The following ATG4D variants were observed in gnomAD, a reference collection of about 807,000 sequenced individuals.
ATG4D encodes the protein cysteine protease ATG4D.
Under a neutral mutation model 55.2 loss-of-function variants are expected in ATG4D, and 51 were observed. That is an observed-to-expected ratio of 0.92 (90% confidence interval 0.74 to 1.17). The LOEUF (loss-of-function observed/expected upper bound fraction) is 1.17, where lower values mean the gene tolerates loss of function less well. Ranked by LOEUF, ATG4D falls within the 50% of genes most tolerant of loss-of-function variation. ATG4D has a pLI of 0.00. For synonymous variants in ATG4D, 268 were observed against 266.2 expected (o/e 1.01, Z -0.07); for missense variants, 635 against 649.6 (o/e 0.98, Z 0.25).
At chr19:10,552,562 CCT>C (rs1455779439) in intron 9 of ATG4D, among the ~76,000 whole-genome samples, 1 of 152,204 alleles carries the variant, frequency 6.6e-6, no homozygotes, top group Non-Finnish European at 1.5e-5. Context: ...GGGAACCCTC[CCT>C]GTCTCTTGGC....
At chr19:10,548,350 A>T (rs1022777985) in intron 5 of ATG4D, among the ~76,000 whole-genome samples, 1 of 151,816 alleles carries the variant, frequency 6.6e-6, no homozygotes, top group African/African-American at 2.4e-5. Flanking sequence ...TAAATTTTTT[A>T]TGCAAAATTG....
Position 10,545,149 on chromosome 19 carries a change from G to A in ATG4D, c.493+19G>A. 2 of 1,604,832 alleles carry A rather than the reference G, an allele frequency of 1.2e-6. No homozygotes were observed. Among genetic ancestry groups the A allele is most frequent in the Non-Finnish European group, 1.7e-6 (2 of 1,179,642 alleles). ...CCCAGAGGTGAGCCATAGGGGGGAA[G>A]GGGTGCACTAGGAGTACAGGGTCAA... On this transcript the variant is annotated intron_variant, in intron 3 of 9. Transcript: ENST00000309469.
chr19:10,548,881 C>T, intron 5 of ATG4D, 23 bp from the exon 6 acceptor site: 1 of 1,608,912 alleles, frequency 6.2e-7, no homozygotes, highest in Non-Finnish European at 8.5e-7. Context: ...AGAAGGTGAC[C>T]TGCTGCTGTC....
rs893753846 is a variant in ATG4D, at chr19:10,545,431, T to G, written c.493+301T>G. The stretch of plus-strand genomic sequence containing the variant: ...TACTAAAAATACAAAAATTAGCCGG[T>G]TGTGGTGGCACACGCCTGTAATCCC... On this transcript the variant is annotated intron_variant, in intron 3 of 9. Coordinates refer to ENST00000309469, the MANE Select transcript of ATG4D (RefSeq NM_032885.6). 7.1e-5 allele frequency among the ~76,000 whole-genome samples: 10 copies of G among 141,600 alleles called. No homozygotes were observed. The South Asian group carries it at 1.6e-3, about 23-fold the overall frequency. The allele number at this position is 141,600 out of a possible 152,430, so 92.9% of individuals were successfully genotyped here. A position where few individuals can be genotyped will look rare whatever the true frequency, so the allele number is the denominator to read the frequency against.
rs765178370 is a variant in ATG4D at position 10,551,930 on chromosome 19, A to C, written c.1000A>C (p.Met334Leu). The change falls in exon 7 of 10, where the codon ATG becomes CTG. Residue 334 changes from methionine (M) to leucine (L), a missense_variant. Physicochemically the swap from Met to Leu is conservative, Grantham distance 15. Transcript: ENST00000309469. ...GCGTTGCGAGCTGTGCCTGGGCATC[A>C]TGGGTGGGAAACCGCGACACTCACT... ...LLRCELCLGI[M>L]GGKPRHSLYF... The C allele has an allele frequency of 1.1e-5, 18 of 1,613,892 alleles. No homozygotes were observed. Among genetic ancestry groups the C allele is most frequent in the Non-Finnish European group, 1.5e-5 (18 of 1,179,992 alleles).
chr19:10,544,925 C>T (rs1915983958), intron 2 of ATG4D, 32 bp from the exon 3 acceptor site: 25 of 1,583,114 alleles, frequency 1.6e-5, no homozygotes, highest in Non-Finnish European at 2.0e-5. Flanking sequence ...CCGGAGTGTC[C>T]CTGGTGGCAG....
chr19:10,544,790 G>T lies in ATG4D; in HGVS notation c.243G>T (p.Val81=). 6.2e-7 allele frequency: 1 copy of T among 1,614,062 alleles called. No individual in the cohort carries two copies. The highest frequency in any genetic ancestry group is 8.5e-7 in the Non-Finnish European group (1 of 1,180,002). Residue 81 remains valine, a synonymous_variant, in exon 2 of 10, where the codon GTG becomes GTT. Transcript: ENST00000309469. ...GCCCCTACGTCTCCCCAGGTTGGGT[G>T]GTTAAAAGCCGGACCAGCTTTAGCA... ...TAWNNVKYGW[V]VKSRTSFSKI... is the part of the protein sequence containing the mutation.
At chr19:10,552,544 C>T (rs561152861) in intron 9 of ATG4D, among the ~76,000 whole-genome samples, 11 of 152,186 alleles carry the variant, frequency 7.2e-5, no homozygotes, top group Non-Finnish European at 1.3e-4. Context: ...TCCAGGGGCT[C>T]AAGTGGTGGG....
In ATG4D at chr19:10,546,827, C is replaced by T. The variant is rs1322625868; in HGVS notation, c.494-12C>T. 6.4e-7 allele frequency: 1 copy of T among 1,561,054 alleles called. No individual in the cohort carries two copies. The highest frequency in any genetic ancestry group is 8.7e-7 in the Non-Finnish European group (1 of 1,150,462). ...CACTAGCACTGTTTGACTATGTGCT[C>T]CATTCCACCAGACTGGACATGGGCC... On this transcript the variant is annotated splice_polypyrimidine_tract_variant and intron_variant, in intron 3 of 9. Coordinates refer to ENST00000309469, the MANE Select transcript of ATG4D (RefSeq NM_032885.6).
chr19:10,549,245 T>C (rs948798472), intron 6 of ATG4D, among the ~76,000 whole-genome samples: 13 of 151,986 alleles, frequency 8.6e-5, no homozygotes, highest in Admixed American at 3.9e-4. Flanking sequence ...TGCCTCAGCC[T>C]CCCAAGTAGT....
chr19:10,547,204 C>T lies in ATG4D; in HGVS notation c.786C>T (p.Ser262=), dbSNP rs1916063851. ...VAHILRKAVE[S]CSDVTRLVVY... ...CTGCCCCCAGGAAAGCCGTGGAGAG[C>T]TGCTCCGACGTCACCCGCCTGGTGG... Residue 262 remains serine (S), a synonymous_variant, in exon 5 of 10, where the codon AGC becomes AGT. Coordinates refer to ENST00000309469, the MANE Select transcript of ATG4D (RefSeq NM_032885.6). 1 of 1,613,924 alleles carries T rather than the reference C, an allele frequency of 6.2e-7. No homozygotes were observed.
rs1448563696 is a variant in ATG4D at position 10,544,073 on chromosome 19, C to T, written c.-18C>T. On this transcript the variant is annotated 5_prime_UTR_variant, in exon 1 of 10. Coordinates refer to ENST00000309469, the MANE Select transcript of ATG4D (RefSeq NM_032885.6). ...CAGCCCCCCACCTGGGCCCTCGGTC[C>T]GCCCTCCCGGCGCGTCCATGAACTC... 3 of 1,233,640 alleles carry T rather than the reference C, an allele frequency of 2.4e-6. No individual in the cohort carries two copies. The highest frequency in any genetic ancestry group is 4.3e-5 in the Admixed American group (1 of 23,466). 76.4% of individuals were successfully genotyped at this position (1,233,640 alleles called of 1,614,324 possible). A position where few individuals can be genotyped will look rare whatever the true frequency, so the allele number is the denominator to read the frequency against.
chr19:10,547,290 C>G, intron 5 of ATG4D, 37 bp downstream of exon 5: 3 of 1,602,994 alleles, frequency 1.9e-6, no homozygotes, highest in Non-Finnish European at 2.6e-6. Context: ...GGGGCCCCAC[C>G]CTGAGCCAGA....
In ATG4D at chr19:10,544,214, T is replaced by C; in HGVS notation, c.124T>C (p.Ser42Pro). The change falls in exon 1 of 10, where the codon TCC becomes CCC. Residue 42 changes from serine to proline, a missense_variant. Transcript: ENST00000309469. ...CCCAGACCCCAACGGCCTGGGGCCT[T>C]CCGGAGCCAGCGGCCCCGCTCTTGG... Reference protein sequence around the residue: ...RGPDPNGLGPSGASGPALGSP... With the variant: ...RGPDPNGLGPPGASGPALGSP... 1 of 1,253,510 alleles carries C rather than the reference T, an allele frequency of 8.0e-7. No homozygotes were observed. The highest frequency in any genetic ancestry group is 1.0e-6 in the Non-Finnish European group (1 of 991,090). The allele number at this position is 1,253,510 out of a possible 1,614,324, so 77.6% of individuals were successfully genotyped here. A position where few individuals can be genotyped will look rare whatever the true frequency, so the allele number is the denominator to read the frequency against.
chr19:10,547,450 G>A (rs1916074704), intron 5 of ATG4D, among the ~76,000 whole-genome samples, 197 bp downstream of exon 5: 1 of 151,914 alleles, frequency 6.6e-6, no homozygotes, highest in Admixed American at 6.6e-5. Flanking sequence ...AACTTCAGGG[G>A]CTTCTCCTTG....
chr19:10,551,684 T>G, intron 6 of ATG4D, among the ~76,000 whole-genome samples: 1 of 125,490 alleles, frequency 8.0e-6, no homozygotes. Flanking sequence ...GGTGACAGAG[T>G]GAGACTCCGT....
chr19:10,544,672 C>T (rs768663903), intron 1 of ATG4D, 111 bp from the exon 2 acceptor site: 4 of 1,532,878 alleles, frequency 2.6e-6, no homozygotes, highest in Admixed American at 4.2e-5. Context: ...CCGGAGCCAC[C>T]CCGGAGATAG....
intron 3 of ATG4D, 54 bp downstream of exon 3, chr19:10,545,184 C>G (rs1266015386): frequency 1.3e-5 from 20 of 1,575,328 alleles, no homozygotes; most frequent in Admixed American, 1.8e-5. Flanking sequence ...ACTGCCATAT[C>G]AGCAGTATTA....
chr19:10,549,112 T>C, intron 6 of ATG4D, 78 bp downstream of exon 6: 1 of 1,531,690 alleles, frequency 6.5e-7, no homozygotes, highest in African/African-American at 1.4e-5. Context: ...GGCTGCTGTT[T>C]GTGCAGCCCT....
Sources: allele counts gnomAD v4.1 joint callset (sites outside exome capture counted in the v4.1 genomes callset), GRCh38; gene constraint gnomAD v4.1.1; transcripts MANE v1.5; gene names NCBI Gene and HGNC (gene_info 2026-07-23, HGNC 2026-07-21).